Variants in TAFA4 observed in about 807,000 individuals in gnomAD.
TAFA4 encodes chemokine-like protein TAFA-4.
A neutral mutation model predicts 21.1 loss-of-function variants in TAFA4; 20 were observed. That is an observed-to-expected ratio of 0.95 (90% CI 0.67 to 1.38). The LOEUF is 1.38. TAFA4 is among the 40% of genes most tolerant of loss of function. The pLI is 0.00. For missense variants in TAFA4, 211 were observed against 180.9 expected (o/e 1.17, Z -0.95); for synonymous variants, 71 against 67.4 (o/e 1.05, Z -0.26).
chr3:68,822,444 T>C (rs1001492495), intron 3 of TAFA4, among the ~76,000 whole-genome samples: 1 of 152,168 alleles, frequency 6.6e-6, no homozygotes, highest in African/African-American at 2.4e-5. Flanking sequence ...CAAAATTACC[T>C]CCAAGAGGCA....
rs536895125 is a variant in TAFA4, at chr3:68,881,627, T to G, written c.15-782A>C. On this transcript the variant is annotated intron_variant, in intron 2 of 5. Coordinates refer to ENST00000295569, the MANE Select transcript of TAFA4 (RefSeq NM_182522.5). ...TTTATATTAACTTTTGAAGCAAAAC[T>G]CACCGCATTTGGCATCTGAAATTCC... Among the ~76,000 whole-genome samples, 28 of 152,362 alleles carry G rather than the reference T, an allele frequency of 1.8e-4. 1 individual carries two copies. Among genetic ancestry groups the G allele is most frequent in the Admixed American group, 7.8e-4 (12 of 15,300 alleles).
intron 1 of TAFA4, among the ~76,000 whole-genome samples, chr3:68,906,972 A>C (rs1334703953): frequency 1.4e-5 from 2 of 140,836 alleles, no homozygotes; most frequent in Non-Finnish European, 3.0e-5. Flanking sequence ...TGGAGGCTGC[A>C]GTGAGCCAAG....
chr3:68,870,083 C>T (rs1041121616), intron 3 of TAFA4, among the ~76,000 whole-genome samples: 19 of 151,900 alleles, frequency 1.3e-4, no homozygotes, highest in African/African-American at 4.6e-4. Flanking sequence ...GTAATCAAGG[C>T]ACCAACATCA....
intron 1 of TAFA4, among the ~76,000 whole-genome samples, chr3:68,894,985 CT>C (rs2089773067): frequency 6.6e-6 from 1 of 152,054 alleles, no homozygotes; most frequent in Non-Finnish European, 1.5e-5. Flanking sequence ...TCCCAAGTAG[CT>C]GGGATTACGG....
intron 5 of TAFA4, among the ~76,000 whole-genome samples, chr3:68,734,938 TG>T (rs1347029375): frequency 5.9e-5 from 9 of 152,138 alleles, no homozygotes; most frequent in African/African-American, 2.2e-4. Flanking sequence ...ACAACTTCAC[TG>T]AAGTTGGATG....
chr3:68,818,949 G>T (rs1394579856), intron 3 of TAFA4, among the ~76,000 whole-genome samples: 1 of 152,172 alleles, frequency 6.6e-6, no homozygotes, highest in African/African-American at 2.4e-5. Context: ...TGGACATAGG[G>T]TTGCCACAAA....
chr3:68,841,318 G>C (rs1460096352), intron 3 of TAFA4, among the ~76,000 whole-genome samples: 1 of 59,852 alleles, frequency 1.7e-5, no homozygotes, highest in Non-Finnish European at 3.9e-5. Flanking sequence ...GCGAGACTCC[G>C]TCTCAAAAAA....
rs114787296 is a variant in TAFA4 at position 68,792,444 on chromosome 3, T to A, written c.131-39426A>T. Among the ~76,000 whole-genome samples the A allele has an allele frequency of 4.2e-3, 646 of 152,266 alleles. 5 individuals carry two copies. Among genetic ancestry groups the A allele is most frequent in the African/African-American group, 0.015 (623 of 41,536 alleles). On this transcript the variant is annotated intron_variant, in intron 3 of 5. Transcript: ENST00000295569. ...ATAGTCTGGGATATGACCTAGGTGT[T>A]CTGATTTTTAAAAGCTTCCCCAGTA... is the stretch of plus-strand genomic sequence containing the variant.
chr3:68,742,220 T>G (rs1702369999), intron 4 of TAFA4, among the ~76,000 whole-genome samples: 1 of 110,356 alleles, frequency 9.1e-6, no homozygotes, highest in South Asian at 4.4e-4. Flanking sequence ...TACTTCAACA[T>G]TATAAAGGTC....
chr3:68,867,757 T>C (rs780021642), intron 3 of TAFA4, among the ~76,000 whole-genome samples: 1 of 152,118 alleles, frequency 6.6e-6, no homozygotes, highest in African/African-American at 2.4e-5. Flanking sequence ...TAATCACTTA[T>C]CGTTTATTTA....
intron 4 of TAFA4, among the ~76,000 whole-genome samples, chr3:68,747,978 T>G (rs566379023): frequency 6.6e-6 from 1 of 152,302 alleles, no homozygotes; most frequent in South Asian, 2.1e-4. Context: ...CCTTGTTCCC[T>G]GACTCCCTCC....
intron 3 of TAFA4, among the ~76,000 whole-genome samples, chr3:68,821,339 T>TAAGAGAAAACAAGTCCTGAA (rs1559532888): frequency 4.8e-4 from 14 of 29,104 alleles, no homozygotes; most frequent in East Asian, 1.7e-3. Context: ...TTTTTTTTTT[T>TAAGAGAAAACAAGTCCTGAA]TTTTTTTTTT....
At chr3:68,832,865 T>A (rs1353109097) in intron 3 of TAFA4, among the ~76,000 whole-genome samples, 3 of 152,214 alleles carry the variant, frequency 2.0e-5, no homozygotes, top group Non-Finnish European at 4.4e-5. Context: ...CCCCGACACT[T>A]TGTTTACTCT....
chr3:68,762,406 C>A (rs1419685476), intron 3 of TAFA4, among the ~76,000 whole-genome samples: 4 of 152,028 alleles, frequency 2.6e-5, no homozygotes, highest in Admixed American at 6.6e-5. Context: ...GAAATTACAA[C>A]ATATGTGTAT....
intron 3 of TAFA4, among the ~76,000 whole-genome samples, chr3:68,865,462 C>G (rs889389276): frequency 1.3e-5 from 2 of 151,912 alleles, no homozygotes; most frequent in African/African-American, 4.8e-5. Flanking sequence ...GTAAGTCTCA[C>G]GAGATCTGAT....
intron 3 of TAFA4, among the ~76,000 whole-genome samples, chr3:68,824,515 T>C (rs1704183530): frequency 6.6e-6 from 1 of 152,148 alleles, no homozygotes; most frequent in Non-Finnish European, 1.5e-5. Flanking sequence ...GTGATGACAG[T>C]GTGTCCATTT....
rs543917982 is a variant in TAFA4, at chr3:68,760,020, ATTCCT to A, written c.131-7007_131-7003del. 4.9e-3 allele frequency among the ~76,000 whole-genome samples: 751 copies of A among 152,224 alleles called. 5 individuals carry two copies. Among genetic ancestry groups the A allele is most frequent in the Middle Eastern group, 0.01 (3 of 294 alleles). ...TGGGGAAACTTGAAACTGTTACTCG[ATTCCT>A]TTCCACACTTCTGAAATTGCAATCG... On this transcript the variant is annotated intron_variant, in intron 3 of 5. Coordinates refer to ENST00000295569, the MANE Select transcript of TAFA4 (RefSeq NM_182522.5).
intron 3 of TAFA4, among the ~76,000 whole-genome samples, chr3:68,811,764 A>G (rs1393290478): frequency 3.9e-5 from 6 of 152,258 alleles, no homozygotes; most frequent in Non-Finnish European, 1.5e-5. Flanking sequence ...GATATTACGC[A>G]GGAGAACTTT....
intron 3 of TAFA4, among the ~76,000 whole-genome samples, chr3:68,822,089 T>A (rs556014854): frequency 6.6e-6 from 1 of 152,336 alleles, no homozygotes; most frequent in Non-Finnish European, 1.5e-5. Context: ...ACTTGTTTAC[T>A]TGTGGCTGCC....
Sources: gnomAD v4.1 joint callset for allele counts (sites outside exome capture counted in the v4.1 genomes callset) on GRCh38, gnomAD v4.1.1 for gene constraint, MANE v1.5 for transcripts, NCBI Gene and HGNC (gene_info 2026-07-23, HGNC 2026-07-21) for gene names.